The following DNAJC3 variants were observed in gnomAD, a reference collection of about 807,000 sequenced individuals.
The protein encoded by DNAJC3 is DnaJ heat shock protein family (Hsp40) member C3, also known as dnaJ homolog subfamily C member 3.
A neutral mutation model predicts 68.6 loss-of-function variants in DNAJC3; 38 were observed. The ratio of observed to expected loss-of-function variants is 0.55; its 90% CI spans 0.43 to 0.73. DNAJC3 has a LOEUF of 0.73. Ranked by LOEUF, DNAJC3 falls within the 30% of genes least tolerant of loss-of-function variation. The probability of loss-of-function intolerance (pLI) is 0.00; values close to 1 mark genes in which losing one functional copy is unlikely to be tolerated. For missense variants in DNAJC3, 526 were observed against 591.9 expected (o/e 0.89, Z 1.16); for synonymous variants, 203 against 204.0 (o/e 1.00, Z 0.04).
At chr13:95,709,373 C>T (rs1303968696) in intron 2 of DNAJC3, 36 bp downstream of exon 2, 1 of 1,466,438 alleles carries the variant, frequency 6.8e-7, no homozygotes, top group Admixed American at 2.2e-5. Flanking sequence ...CAGTGTCTGT[C>T]TTAGTGAATT....
chr13:95,784,290 A>T (rs147102351), intron 9 of DNAJC3, among the ~76,000 whole-genome samples: 1 of 152,290 alleles, frequency 6.6e-6, no homozygotes. Context: ...TGATCTGGTA[A>T]GAAGACACAC....
chr13:95,773,248 T>C (rs1163451752), intron 9 of DNAJC3, among the ~76,000 whole-genome samples: 1 of 149,522 alleles, frequency 6.7e-6, no homozygotes, highest in East Asian at 2.0e-4. Flanking sequence ...TATGACTCAC[T>C]GCAGCCTCGA....
chr13:95,723,473 C>G, intron 3 of DNAJC3, 107 bp downstream of exon 3: 1 of 1,274,344 alleles, frequency 7.8e-7, no homozygotes, highest in Non-Finnish European at 1.1e-6. Context: ...TGGAAGAGAT[C>G]AAAGCTACAG....
intron 9 of DNAJC3, among the ~76,000 whole-genome samples, chr13:95,777,522 T>C (rs923662371): frequency 1.7e-4 from 26 of 152,234 alleles, no homozygotes; most frequent in African/African-American, 6.0e-4. Context: ...TCATTAGCTA[T>C]AATTTTTTCT....
At chr13:95,699,842 C>A (rs75896358) in intron 1 of DNAJC3, among the ~76,000 whole-genome samples, 2,596 of 151,892 alleles carry the variant, frequency 0.017, 79 homozygotes, top group African/African-American at 0.06. Flanking sequence ...CTTTTTTAAA[C>A]ATTTTTGTTT....
intron 2 of DNAJC3, among the ~76,000 whole-genome samples, chr13:95,710,687 G>A (rs1880927764): frequency 6.6e-6 from 1 of 151,316 alleles, no homozygotes; most frequent in Non-Finnish European, 1.5e-5. Context: ...TTTTGTTTTT[G>A]TTTTTGTTTT....
At chr13:95,766,416 A>T (rs1048648391) in intron 9 of DNAJC3, among the ~76,000 whole-genome samples, 1 of 152,168 alleles carries the variant, frequency 6.6e-6, no homozygotes, top group African/African-American at 2.4e-5. Context: ...GAGAGGAAAA[A>T]ACTGACATTG....
rs758365971 is a variant in DNAJC3, at chr13:95,723,256, A to C, written c.208A>C (p.Asn70His). The C allele has an allele frequency of 3.7e-6, 6 of 1,600,640 alleles. No homozygotes were observed. In the Admixed American group the frequency reaches 1.0e-4, roughly 27 times the overall value. The change falls in exon 3 of 12, where the codon AAC becomes CAC. Residue 70 changes from asparagine to histidine, a missense_variant. Physicochemically the swap from Asn to His is moderately conservative, Grantham distance 68. Coordinates refer to ENST00000602402, the MANE Select transcript of DNAJC3 (RefSeq NM_006260.5). ...TTAATTTTCAGATGGTGACCCTGAT[A>C]ACTATATTGCTTATTATCGGAGGGC... ...FHAAVDGDPD[N>H]YIAYYRRATV... is the part of the protein sequence containing the mutation.
Position 95,787,136 on chromosome 13 carries a change from A to G in DNAJC3, c.1338A>G (p.Lys446=). ...AGTTCATTGATATAGCAGCTGCTAAAGAAGTCCTCTCTGATCCAGGTATTA... is the reference window on the plus strand; with the variant it reads ...AGTTCATTGATATAGCAGCTGCTAAGGAAGTCCTCTCTGATCCAGGTATTA... The part of the protein sequence containing the change: ...EKKFIDIAAA[K]EVLSDPEMRK... The change falls in exon 11 of 12, where the codon AAA becomes AAG. Residue 446 remains lysine, a synonymous_variant. Coordinates refer to ENST00000602402, the MANE Select transcript of DNAJC3 (RefSeq NM_006260.5). 1 of 1,612,180 alleles carries G rather than the reference A, an allele frequency of 6.2e-7. No individual in the cohort carries two copies. Among genetic ancestry groups the G allele is most frequent in the Non-Finnish European group, 8.5e-7 (1 of 1,179,604 alleles).
rs1880058401 is a variant in DNAJC3 at position 95,685,765 on chromosome 13, T to TA, written c.82+8429dup. On this transcript the variant is annotated intron_variant, in intron 1 of 11. Transcript: ENST00000602402. ...ACATTGCTGCCACCCATATATGTGT[T>TA]ACAATTTCTTCACCTCCATGCTAAC... 2.0e-5 allele frequency among the ~76,000 whole-genome samples: 3 copies of TA among 152,182 alleles called. No homozygotes were observed. In the East Asian group the frequency reaches 5.8e-4, roughly 29 times the overall value.
intron 4 of DNAJC3, among the ~76,000 whole-genome samples, chr13:95,734,292 G>T (rs1036702506): frequency 1.3e-5 from 2 of 152,168 alleles, no homozygotes; most frequent in African/African-American, 4.8e-5. Flanking sequence ...ACTTTGCTGG[G>T]TGTAGTATTG....
At chr13:95,705,995 A>C (rs1880731930) in intron 1 of DNAJC3, among the ~76,000 whole-genome samples, 1 of 152,198 alleles carries the variant, frequency 6.6e-6, no homozygotes, top group Non-Finnish European at 1.5e-5. Flanking sequence ...TATGCTAGGG[A>C]AACTTTGGAA....
Position 95,791,146 on chromosome 13 carries a change from AG to A in DNAJC3, c.*117del. 8.1e-7 allele frequency: 1 copy of A among 1,238,448 alleles called. No homozygotes were observed. The highest frequency in any genetic ancestry group is 1.1e-6 in the Non-Finnish European group (1 of 888,672). The allele number at this position is 1,238,448 out of a possible 1,614,324, so 76.7% of individuals were successfully genotyped here. On this transcript the variant is annotated 3_prime_UTR_variant, in exon 12 of 12. Transcript: ENST00000602402. ...CTTTTCAGTTTGTCCATGACCAAAG[AG>A]TTGCTTTAATAGGAAAAAATCTGTT...
At chr13:95,771,740 C>T (rs1273918430) in intron 9 of DNAJC3, among the ~76,000 whole-genome samples, 1 of 152,118 alleles carries the variant, frequency 6.6e-6, no homozygotes, top group Non-Finnish European at 1.5e-5. Context: ...CAACTCCTGT[C>T]AAGATATAGA....
At chr13:95,715,211 C>T (rs1296950099) in intron 2 of DNAJC3, among the ~76,000 whole-genome samples, 1 of 152,100 alleles carries the variant, frequency 6.6e-6, no homozygotes, top group East Asian at 1.9e-4. Context: ...ACCTGGGCAA[C>T]ATAGCAAGAG....
At chr13:95,757,818 G>T in intron 5 of DNAJC3, 22 bp downstream of exon 5, 1 of 1,524,050 alleles carries the variant, frequency 6.6e-7, no homozygotes, top group Non-Finnish European at 8.9e-7. Flanking sequence ...AGATACTGCA[G>T]TTGACCAGCC....
rs1035143135 is a variant in DNAJC3 at position 95,677,349 on chromosome 13, C to T, written c.82+12C>T. The T allele has an allele frequency of 1.3e-6, 2 of 1,578,274 alleles. No homozygotes were observed. ...TCTGCAGTACGAAGGTGAGTCCTGCCCTGCCCCGGCCAGGAAGTGGGCTCC... is the reference window on the plus strand; with the variant it reads ...TCTGCAGTACGAAGGTGAGTCCTGCTCTGCCCCGGCCAGGAAGTGGGCTCC... On this transcript the variant is annotated intron_variant, in intron 1 of 11. Coordinates refer to ENST00000602402, the MANE Select transcript of DNAJC3 (RefSeq NM_006260.5).
At chr13:95,755,819 A>G (rs1882644929) in intron 4 of DNAJC3, among the ~76,000 whole-genome samples, 1 of 150,290 alleles carries the variant, frequency 6.7e-6, no homozygotes, top group African/African-American at 2.5e-5. Flanking sequence ...CCCTAATTTC[A>G]TCTGGCTTGA....
intron 2 of DNAJC3, among the ~76,000 whole-genome samples, chr13:95,712,824 A>G (rs770175197): frequency 7.9e-5 from 12 of 152,286 alleles, no homozygotes; most frequent in Non-Finnish European, 1.3e-4. Context: ...TTATTTTGTC[A>G]TGGAAAGGAC....
Sources: allele counts gnomAD v4.1 joint callset (sites outside exome capture counted in the v4.1 genomes callset), GRCh38; gene constraint gnomAD v4.1.1; transcripts MANE v1.5; gene names NCBI Gene and HGNC (gene_info 2026-07-23, HGNC 2026-07-21).